GPC5: variants seen among roughly 807,000 people sequenced by gnomAD.
GPC5 encodes glypican-5.
Under a neutral mutation model 53.9 loss-of-function variants are expected in GPC5, and 47 were observed. The ratio of observed to expected loss-of-function variants is 0.87; its 90% CI spans 0.69 to 1.11. The LOEUF (loss-of-function observed/expected upper bound fraction) is 1.11, where lower values mean the gene tolerates loss of function less well. Among genes scored for constraint, GPC5 ranks in the 50% most tolerant of loss-of-function variants. GPC5 has a pLI of 0.00. For synonymous variants in GPC5, 286 were observed against 263.3 expected (o/e 1.09, Z -0.84); for missense variants, 748 against 713.1 (o/e 1.05, Z -0.56).
intron 2 of GPC5, among the ~76,000 whole-genome samples, chr13:91,665,651 C>T (rs1217658664): frequency 6.6e-6 from 1 of 152,040 alleles, no homozygotes; most frequent in Non-Finnish European, 1.5e-5. Flanking sequence ...TGCAGGCGCC[C>T]ACCACCACAC....
At chr13:92,437,844 A>G (rs1877375397) in intron 7 of GPC5, among the ~76,000 whole-genome samples, 1 of 152,074 alleles carries the variant, frequency 6.6e-6, no homozygotes, top group South Asian at 2.1e-4. Flanking sequence ...CAGAAATGGG[A>G]TGAATCCTTC....
chr13:92,451,560 G>C (rs1187377025), intron 7 of GPC5, among the ~76,000 whole-genome samples: 1 of 151,824 alleles, frequency 6.6e-6, no homozygotes, highest in African/African-American at 2.4e-5. Context: ...GTATATGAAA[G>C]TCAAGATTTC....
At chr13:91,764,439 A>G (rs2037481176) in intron 5 of GPC5, among the ~76,000 whole-genome samples, 1 of 152,168 alleles carries the variant, frequency 6.6e-6, no homozygotes, top group Admixed American at 6.5e-5. Context: ...CTGAGTAGAA[A>G]CATTAAATCC....
chr13:91,409,469 T>C (rs1018172943), intron 1 of GPC5, among the ~76,000 whole-genome samples: 5 of 152,228 alleles, frequency 3.3e-5, no homozygotes, highest in Admixed American at 1.3e-4. Context: ...CTTTGATAAG[T>C]TCAGAAGCAC....
chr13:92,103,482 G>A (rs1479927167), intron 6 of GPC5, among the ~76,000 whole-genome samples: 2 of 151,942 alleles, frequency 1.3e-5, no homozygotes, highest in African/African-American at 4.8e-5. Context: ...TCTCAAAAAT[G>A]TTTCTCTTCC....
chr13:91,769,402 A>G (rs2037581413), intron 5 of GPC5, among the ~76,000 whole-genome samples: 1 of 152,158 alleles, frequency 6.6e-6, no homozygotes, highest in Non-Finnish European at 1.5e-5. Context: ...TAATTATCAC[A>G]GGTAGTATTT....
intron 7 of GPC5, among the ~76,000 whole-genome samples, chr13:92,588,672 T>A (rs142686180): frequency 6.6e-6 from 1 of 152,330 alleles, no homozygotes; most frequent in East Asian, 1.9e-4. Context: ...ACAAGTCATA[T>A]GAAATATAGA....
At chr13:92,694,860 T>G (rs1887513070) in intron 7 of GPC5, among the ~76,000 whole-genome samples, 1 of 152,202 alleles carries the variant, frequency 6.6e-6, no homozygotes, top group South Asian at 2.1e-4. Flanking sequence ...GTGTCCCCAC[T>G]CAAATTCCAT....
In GPC5 at chr13:91,398,888, C is replaced by T. The variant is rs1447495427; in HGVS notation, c.-159C>T. ...CCTCCTCCGGGAAGAGCTAACTGCT[C>T]CCAGGTGAAGCCGGTGCCCGCGGGC... On this transcript the variant is annotated 5_prime_UTR_variant, in exon 1 of 8. Coordinates refer to ENST00000377067, the MANE Select transcript of GPC5 (RefSeq NM_004466.6). 3.7e-6 allele frequency: 3 copies of T among 819,986 alleles called. No individual in the cohort carries two copies. Among genetic ancestry groups the T allele is most frequent in the African/African-American group, 1.8e-5 (1 of 56,350 alleles). The allele number at this position is 819,986 out of a possible 1,614,324, so 50.8% of individuals were successfully genotyped here. A position where few individuals can be genotyped will look rare whatever the true frequency, so the allele number is the denominator to read the frequency against.
At chr13:91,705,606 T>G (rs2139876192) in intron 3 of GPC5, among the ~76,000 whole-genome samples, 1 of 152,216 alleles carries the variant, frequency 6.6e-6, no homozygotes, top group East Asian at 1.9e-4. Flanking sequence ...GGGGAAGGAT[T>G]TGTGTGTTTC....
intron 7 of GPC5, among the ~76,000 whole-genome samples, chr13:92,413,118 G>A (rs1434826251): frequency 6.6e-6 from 1 of 152,148 alleles, no homozygotes; most frequent in African/African-American, 2.4e-5. Context: ...GACGCAGGAA[G>A]TTTGAGTGAC....
At chr13:91,882,386 T>C (rs1252660503) in intron 5 of GPC5, among the ~76,000 whole-genome samples, 1 of 152,024 alleles carries the variant, frequency 6.6e-6, no homozygotes, top group Non-Finnish European at 1.5e-5. Context: ...CAGAGAGACA[T>C]GCTAGTGATT....
intron 1 of GPC5, among the ~76,000 whole-genome samples, chr13:91,415,786 A>G (rs1878177295): frequency 6.6e-6 from 1 of 152,014 alleles, no homozygotes; most frequent in African/African-American, 2.4e-5. Flanking sequence ...TAAACTATCT[A>G]TTTAACCAAA....
chr13:92,743,386 T>A (rs1889157531), intron 7 of GPC5, among the ~76,000 whole-genome samples: 1 of 152,164 alleles, frequency 6.6e-6, no homozygotes, highest in African/African-American at 2.4e-5. Flanking sequence ...GCTCTCTGTT[T>A]GTCTGTTATT....
chr13:91,657,383 G>A (rs530111335), intron 2 of GPC5, among the ~76,000 whole-genome samples: 3 of 152,212 alleles, frequency 2.0e-5, no homozygotes, highest in Admixed American at 2.0e-4. Flanking sequence ...AAAAAGATTA[G>A]CCAGTAGATC....
intron 6 of GPC5, among the ~76,000 whole-genome samples, chr13:92,081,568 C>T (rs1402917970): frequency 1.3e-5 from 2 of 151,976 alleles, no homozygotes; most frequent in Non-Finnish European, 2.9e-5. Flanking sequence ...TTTACTAGTG[C>T]CAGATGAGGA....
At chr13:92,041,635 G>C (rs1354883618) in intron 6 of GPC5, among the ~76,000 whole-genome samples, 1 of 152,190 alleles carries the variant, frequency 6.6e-6, no homozygotes, top group African/African-American at 2.4e-5. Context: ...GAGCTGCCAG[G>C]TGTTGGAGTT....
chr13:92,402,379 A>G lies in GPC5; in HGVS notation c.1561+257390A>G, dbSNP rs79872663. On this transcript the variant is annotated intron_variant, in intron 7 of 7. Coordinates refer to ENST00000377067, the MANE Select transcript of GPC5 (RefSeq NM_004466.6). ...TTTCTCTTTCCACAAAGCAATCAAT[A>G]TGTGAGTCTAAGCATTCTTCACATT... 7.6e-3 allele frequency among the ~76,000 whole-genome samples: 1,163 copies of G among 152,312 alleles called. 7 individuals carry two copies. Among genetic ancestry groups the G allele is most frequent in the Non-Finnish European group, 0.013 (881 of 68,024 alleles).
At chr13:92,453,462 A>T (rs551094156) in intron 7 of GPC5, among the ~76,000 whole-genome samples, 3 of 152,224 alleles carry the variant, frequency 2.0e-5, no homozygotes, top group Admixed American at 2.0e-4. Context: ...GCTCTGGTAC[A>T]CTGAATGACA....
Sources: allele counts gnomAD v4.1 joint callset (sites outside exome capture counted in the v4.1 genomes callset), GRCh38; gene constraint gnomAD v4.1.1; transcripts MANE v1.5; gene names NCBI Gene and HGNC (gene_info 2026-07-23, HGNC 2026-07-21).